Variants in SMCHD1 observed in about 807,000 individuals in gnomAD.
SMCHD1 encodes the protein structural maintenance of chromosomes flexible hinge domain containing 1.
A neutral mutation model predicts 254.7 loss-of-function variants in SMCHD1; 78 were observed. The ratio of observed to expected loss-of-function variants is 0.31; its 90% CI spans 0.26 to 0.37. SMCHD1 has a LOEUF of 0.37. SMCHD1 is among the 10% of genes least tolerant of loss of function. The pLI is 1.00. For synonymous variants in SMCHD1, 766 were observed against 794.9 expected, an observed-to-expected ratio of 0.96 and a Z score of 0.61; for missense variants, 1,840 against 2,408.1, an observed-to-expected ratio of 0.76 and a Z score of 4.94.
At chr18:2,670,993 A>G (rs1598289994) in intron 3 of SMCHD1, among the ~76,000 whole-genome samples, 1 of 147,126 alleles carries the variant, frequency 6.8e-6, no homozygotes, top group East Asian at 2.0e-4. Context: ...CTGGAGTGCA[A>G]TGGCGTGATC....
chr18:2,785,465 A>G (rs1480026187), intron 45 of SMCHD1, among the ~76,000 whole-genome samples: 1 of 151,632 alleles, frequency 6.6e-6, no homozygotes, highest in Non-Finnish European at 1.5e-5. Flanking sequence ...TGGCTAACAC[A>G]GTGAAACCCT....
intron 24 of SMCHD1, among the ~76,000 whole-genome samples, chr18:2,730,926 G>A (rs1000941138): frequency 6.6e-6 from 1 of 152,150 alleles, no homozygotes; most frequent in Non-Finnish European, 1.5e-5. Context: ...TCTTGCAAAA[G>A]ATGACTATGA....
At chr18:2,756,137 A>T (rs2075673759) in intron 34 of SMCHD1, among the ~76,000 whole-genome samples, 1 of 152,254 alleles carries the variant, frequency 6.6e-6, no homozygotes, top group African/African-American at 2.4e-5. Context: ...TTAAGACATT[A>T]TTACTTTACT....
In SMCHD1 at chr18:2,747,592, A is replaced by G. The variant is rs201497685; in HGVS notation, c.3872A>G (p.Asn1291Ser). The change falls in exon 30 of 48, where the codon AAT (asparagine) becomes AGT (serine). Residue 1291 changes from asparagine to serine, a missense_variant. By Grantham distance (46) the Asn-to-Ser change is conservative. Transcript: ENST00000320876. ...IIVQLCDQWDNPAPVQHVKIS... is the reference protein window; with the variant it reads ...IIVQLCDQWDSPAPVQHVKIS... Reference sequence around the variant, plus strand: ...GTTCAACTTTGTGATCAGTGGGATAATCCAGCACCGGTACAACATGTTAAA... The same window carrying G: ...GTTCAACTTTGTGATCAGTGGGATAGTCCAGCACCGGTACAACATGTTAAA... 269 of 1,610,754 alleles carry G rather than the reference A, an allele frequency of 1.7e-4. No homozygotes were observed. The highest frequency in any genetic ancestry group is 2.0e-5 in the Non-Finnish European group (23 of 1,177,920).
At chr18:2,728,963 AAG>A (rs1491395770) in intron 23 of SMCHD1, 1 of 234,986 alleles carries the variant, frequency 4.3e-6, no homozygotes, top group African/African-American at 2.3e-5. Flanking sequence ...AAAAAAAAAA[AAG>A]GGAATGATGA....
chr18:2,715,729 T>C (rs10853283), intron 17 of SMCHD1, among the ~76,000 whole-genome samples: 44,776 of 152,016 alleles, frequency 0.29, 6,839 homozygotes, highest in East Asian at 0.5. Flanking sequence ...TGGTAATATA[T>C]ACCTGTAGTC....
chr18:2,780,225 G>A (rs1457636415), intron 44 of SMCHD1, among the ~76,000 whole-genome samples: 4 of 98,742 alleles, frequency 4.1e-5, no homozygotes, highest in African/African-American at 1.7e-4. Context: ...GGGTGACAGA[G>A]CAAGACTCTA....
At chr18:2,701,075 A>C (rs2074388520) in intron 12 of SMCHD1, 157 bp downstream of exon 12, 1 of 500,204 alleles carries the variant, frequency 2.0e-6, no homozygotes, top group Non-Finnish European at 3.4e-6. Context: ...ATTACTAAAA[A>C]ATTTAAAGCT....
chr18:2,804,002 A>C lies in SMCHD1; in HGVS notation c.*1450A>C, dbSNP rs1457138696. 2 of 152,134 alleles carry C rather than the reference A, an allele frequency of 1.3e-5. No individual in the cohort carries two copies. Among genetic ancestry groups the C allele is most frequent in the South Asian group, 4.1e-4 (2 of 4,828 alleles). 9.4% of individuals were successfully genotyped at this position (152,134 alleles called of 1,614,324 possible). Reference sequence around the variant, plus strand: ...GTCATATCTGCGCTCAAATGTTTTGAATTTTGGAACATTTCTTGTTTCTGA... The same window carrying C: ...GTCATATCTGCGCTCAAATGTTTTGCATTTTGGAACATTTCTTGTTTCTGA... On this transcript the variant is annotated 3_prime_UTR_variant, in exon 48 of 48. Transcript: ENST00000320876.
chr18:2,785,444 C>T (rs955719727), intron 45 of SMCHD1, among the ~76,000 whole-genome samples: 22 of 151,750 alleles, frequency 1.4e-4, no homozygotes, highest in East Asian at 3.9e-4. Context: ...GTCAGGAGAT[C>T]GAGCCCATCT....
intron 34 of SMCHD1, among the ~76,000 whole-genome samples, chr18:2,757,422 C>A (rs1309873901): frequency 6.6e-6 from 1 of 151,846 alleles, no homozygotes; most frequent in East Asian, 1.9e-4. Flanking sequence ...ACTGTGTTGC[C>A]CAGATTGGTC....
In SMCHD1 at chr18:2,785,670, A is replaced by AAAAAAAAT. The variant is rs57180698; in HGVS notation, c.5719+1050_5719+1051insAAAAAATA. On this transcript the variant is annotated intron_variant, in intron 45 of 47. Coordinates refer to ENST00000320876, the MANE Select transcript of SMCHD1 (RefSeq NM_015295.3). ...CTCAAAAAAAAAAAAAAAAAAAAAA[A>AAAAAAAAT]ACAGTTCATTGGTGTTAAGTGCATT... Among the ~76,000 whole-genome samples, 4 of 97,932 alleles carry AAAAAAAAT rather than the reference A, an allele frequency of 4.1e-5. 1 individual carries two copies. The highest frequency in any genetic ancestry group is 7.4e-4 in the South Asian group (2 of 2,686). 64.2% of individuals were successfully genotyped at this position (97,932 alleles called of 152,430 possible).
At chr18:2,759,727 G>A (rs1265056960) in intron 34 of SMCHD1, among the ~76,000 whole-genome samples, 4 of 151,570 alleles carry the variant, frequency 2.6e-5, no homozygotes, top group Admixed American at 6.6e-5. Context: ...ACACCACCAT[G>A]CCTGGCTCAT....
intron 3 of SMCHD1, among the ~76,000 whole-genome samples, chr18:2,669,822 C>G (rs1433286349): frequency 6.6e-6 from 1 of 152,218 alleles, no homozygotes; most frequent in African/African-American, 2.4e-5. Flanking sequence ...ATAGTTCCCC[C>G]TATCTGAATT....
In SMCHD1 at chr18:2,656,829, T is replaced by G. The variant is rs187224251; in HGVS notation, c.186+568T>G. Among the ~76,000 whole-genome samples, 6 of 152,270 alleles carry G rather than the reference T, an allele frequency of 3.9e-5. No individual in the cohort carries two copies. In the East Asian group the frequency reaches 1.2e-3, roughly 29 times the overall value. ...GGATCCTTCCGCACGGAGACACTTG[T>G]CCAGGTCAGCTCTGCAGGTAGAGCT... is the stretch of plus-strand genomic sequence containing the variant. On this transcript the variant is annotated intron_variant, in intron 1 of 47. Transcript: ENST00000320876.
chr18:2,669,043 T>TA (rs550227541), intron 3 of SMCHD1, among the ~76,000 whole-genome samples: 27,123 of 139,304 alleles, frequency 0.19, 2,660 homozygotes, highest in South Asian at 0.27. Context: ...CCCAGCTAAT[T>TA]AAAAAAAAAA....
At chr18:2,672,785 G>A (rs1209780862) in intron 3 of SMCHD1, among the ~76,000 whole-genome samples, 1 of 152,146 alleles carries the variant, frequency 6.6e-6, no homozygotes, top group Non-Finnish European at 1.5e-5. Flanking sequence ...TGAAAAATTT[G>A]TTAGTCATAA....
At chr18:2,708,868 A>ATC (rs2074584806) in intron 17 of SMCHD1, among the ~76,000 whole-genome samples, 1 of 12,078 alleles carries the variant, frequency 8.3e-5, no homozygotes, top group African/African-American at 3.5e-4. Context: ...CAATAACTTC[A>ATC]TATATATATA....
intron 6 of SMCHD1, 40 bp from the exon 7 acceptor site, chr18:2,688,588 T>G: frequency 6.3e-7 from 1 of 1,575,258 alleles, no homozygotes; most frequent in Non-Finnish European, 8.6e-7. Flanking sequence ...TTAACCAGTT[T>G]ATTAGGAATT....
Sources: gnomAD v4.1 joint callset for allele counts (sites outside exome capture counted in the v4.1 genomes callset) on GRCh38, gnomAD v4.1.1 for gene constraint, MANE v1.5 for transcripts, NCBI Gene and HGNC (gene_info 2026-07-23, HGNC 2026-07-21) for gene names.